The following CACNA1C variants were observed in gnomAD, a reference collection of about 807,000 sequenced individuals.
CACNA1C encodes voltage-dependent L-type calcium channel subunit alpha-1C.
In CACNA1C, 30 loss-of-function variants were observed where a neutral mutation model predicts 229.0. The observed-to-expected ratio is 0.13, with a 90% confidence interval of 0.10 to 0.18. The LOEUF (loss-of-function observed/expected upper bound fraction) is 0.18. CACNA1C is among the 10% of genes least tolerant of loss of function. The pLI, the probability that CACNA1C is intolerant of heterozygous loss-of-function variation, is 1.00. For missense variants in CACNA1C, 1,658 were observed against 2,845.0 expected, an observed-to-expected ratio of 0.58 and a Z score of 9.49; for synonymous variants, 1,114 against 1,132.5, an observed-to-expected ratio of 0.98 and a Z score of 0.33.
intron 3 of CACNA1C, among the ~76,000 whole-genome samples, chr12:2,257,994 C>T (rs987908765): frequency 5.3e-5 from 8 of 152,218 alleles, no homozygotes; most frequent in African/African-American, 1.9e-4. Flanking sequence ...TCAGCACGTG[C>T]ACTCCCACTC....
At chr12:2,330,667 A>G (rs1237607159) in intron 3 of CACNA1C, among the ~76,000 whole-genome samples, 1 of 152,222 alleles carries the variant, frequency 6.6e-6, no homozygotes, top group African/African-American at 2.4e-5. Flanking sequence ...CAACCTTTAT[A>G]AAGCCCACTT....
intron 1 of CACNA1C, among the ~76,000 whole-genome samples, chr12:1,985,237 T>A (rs2037361320): frequency 6.6e-6 from 1 of 152,186 alleles, no homozygotes; most frequent in Non-Finnish European, 1.5e-5. Flanking sequence ...TAGACTTCAA[T>A]GGCACAAATT....
intron 3 of CACNA1C, among the ~76,000 whole-genome samples, chr12:2,130,485 G>C (rs1035278115): frequency 2.5e-5 from 3 of 121,360 alleles, no homozygotes; most frequent in Admixed American, 8.7e-5. Context: ...CCCAGAGTGT[G>C]ATATTCCCTT....
Position 2,034,296 on chromosome 12 carries a change from C to T in CACNA1C, c.139+63095C>T, listed in dbSNP as rs1186421588. Reference sequence around the variant, plus strand: ...CAAGGCCGTGTTCCTTTTTGTAAGCCTCCCTGGTGTGTGGAAGGGAGTACA... The same window carrying T: ...CAAGGCCGTGTTCCTTTTTGTAAGCTTCCCTGGTGTGTGGAAGGGAGTACA... On this transcript the variant is annotated intron_variant, in intron 1 of 46. Transcript: ENST00000682462. The surrounding 1 kb of genome is among the most constrained non-coding windows in gnomAD (Gnocchi z 4.1). 6.6e-6 allele frequency among the ~76,000 whole-genome samples: 1 copy of T among 152,210 alleles called. No individual in the cohort carries two copies. The highest frequency in any genetic ancestry group is 1.9e-4 in the East Asian group (1 of 5,200).
chr12:2,185,102 T>A (rs951253187), intron 3 of CACNA1C, among the ~76,000 whole-genome samples: 1 of 151,906 alleles, frequency 6.6e-6, no homozygotes, highest in African/African-American at 2.4e-5. Context: ...GCAGCAGGAG[T>A]TCAAATGTCC....
intron 3 of CACNA1C, among the ~76,000 whole-genome samples, chr12:2,421,360 C>T (rs908506168): frequency 3.3e-5 from 5 of 152,202 alleles, no homozygotes; most frequent in African/African-American, 1.2e-4. Flanking sequence ...GTCAATGAGG[C>T]AATGCCTGCT....
chr12:2,101,130 A>G (rs2076262037), intron 1 of CACNA1C, among the ~76,000 whole-genome samples: 1 of 152,122 alleles, frequency 6.6e-6, no homozygotes, highest in African/African-American at 2.4e-5. Context: ...TTCAAAATGT[A>G]ATTTTCATGG....
intron 11 of CACNA1C, among the ~76,000 whole-genome samples, chr12:2,565,206 C>T (rs749378811): frequency 1.8e-4 from 28 of 152,112 alleles, no homozygotes; most frequent in Admixed American, 5.9e-4. Context: ...CGGTGGCTCA[C>T]GCCTGTAATC....
intron 5 of CACNA1C, among the ~76,000 whole-genome samples, chr12:2,481,266 G>T (rs1190164414): frequency 2.6e-5 from 4 of 152,184 alleles, no homozygotes; most frequent in Admixed American, 2.6e-4. Context: ...GGTAATGGAA[G>T]CACCAACTTT....
intron 3 of CACNA1C, among the ~76,000 whole-genome samples, chr12:2,270,361 C>T (rs2084346362): frequency 6.6e-6 from 1 of 152,174 alleles, no homozygotes; most frequent in Non-Finnish European, 1.5e-5. Flanking sequence ...GAGGGCAGGG[C>T]CTGATTCTTT....
intron 3 of CACNA1C, among the ~76,000 whole-genome samples, chr12:2,256,425 T>A (rs1264241742): frequency 6.6e-6 from 1 of 152,202 alleles, no homozygotes; most frequent in Non-Finnish European, 1.5e-5. Context: ...TCTGATGGTA[T>A]AGAAGAAAAC....
At chr12:2,363,632 G>A (rs1292433366) in intron 3 of CACNA1C, among the ~76,000 whole-genome samples, 2 of 151,920 alleles carry the variant, frequency 1.3e-5, no homozygotes, top group Non-Finnish European at 2.9e-5. Context: ...CTGTTTTCTA[G>A]AGCTTTTTTC....
chr12:1,987,002 G>C (rs1335764664), intron 1 of CACNA1C, among the ~76,000 whole-genome samples: 1 of 151,834 alleles, frequency 6.6e-6, no homozygotes, highest in African/African-American at 2.4e-5. Context: ...TGGAATAGAA[G>C]TGGGGATAGA....
chr12:2,394,250 G>C (rs1006827572), intron 3 of CACNA1C, among the ~76,000 whole-genome samples: 1 of 152,228 alleles, frequency 6.6e-6, no homozygotes, highest in Non-Finnish European at 1.5e-5. Flanking sequence ...TCCTGATGTG[G>C]CTTCTCTCTG....
intron 8 of CACNA1C, among the ~76,000 whole-genome samples, chr12:2,507,022 A>T (rs11062248): frequency 0.26 from 40,166 of 152,138 alleles, 6,890 homozygotes; most frequent in African/African-American, 0.48. Flanking sequence ...TCAGCCTAAA[A>T]GCGCTAGGGT....
At chr12:2,166,334 CATAAAG>C (rs2096229468) in intron 3 of CACNA1C, among the ~76,000 whole-genome samples, 1 of 152,210 alleles carries the variant, frequency 6.6e-6, no homozygotes, top group South Asian at 2.1e-4. Flanking sequence ...GGAAGAGAAA[CATAAAG>C]ATAATGGGCA....
intron 1 of CACNA1C, chr12:1,993,458 T>C: frequency 6.4e-7 from 1 of 1,559,058 alleles, no homozygotes; most frequent in Admixed American, 1.8e-5. Context: ...ATTTTCAGTA[T>C]AAGTACATTC....
At chr12:2,333,589 G>T (rs114173791) in intron 3 of CACNA1C, among the ~76,000 whole-genome samples, 2,384 of 152,330 alleles carry the variant, frequency 0.016, 57 homozygotes, top group African/African-American at 0.054. Context: ...AGTAGCAGTG[G>T]ATGCAGCCTT....
At chr12:2,091,149 A>AGC (rs2070697369) in intron 1 of CACNA1C, among the ~76,000 whole-genome samples, 2 of 152,340 alleles carry the variant, frequency 1.3e-5, no homozygotes, top group South Asian at 4.2e-4. Flanking sequence ...ACCCTGCACC[A>AGC]GCAGAGGCAT....
Sources: allele counts gnomAD v4.1 joint callset (sites outside exome capture counted in the v4.1 genomes callset), GRCh38; gene constraint gnomAD v4.1.1; non-coding constraint Gnocchi (gnomAD v3.1); transcripts MANE v1.5; gene names NCBI Gene and HGNC (gene_info 2026-07-23, HGNC 2026-07-21).